The following PHF21A variants were observed in gnomAD, a reference collection of about 807,000 sequenced individuals.
PHF21A encodes BHC80a.
In PHF21A, 11 loss-of-function variants were observed where a neutral mutation model predicts 82.5. The observed-to-expected ratio is 0.13, with a 90% CI of 0.08 to 0.22. PHF21A has a LOEUF of 0.22. PHF21A is among the 10% of genes least tolerant of loss of function. PHF21A has a pLI of 1.00. For missense variants in PHF21A, 579 were observed against 837.8 expected (o/e 0.69, Z 3.81); for synonymous variants, 297 against 302.8 (o/e 0.98, Z 0.20).
At chr11:46,087,824 C>T (rs899266937) in intron 3 of PHF21A, among the ~76,000 whole-genome samples, 3 of 152,162 alleles carry the variant, frequency 2.0e-5, no homozygotes, top group African/African-American at 7.2e-5. Flanking sequence ...GGTGCGATCA[C>T]GGCTCACTGC....
intron 6 of PHF21A, among the ~76,000 whole-genome samples, chr11:46,007,630 G>T (rs181218749): frequency 6.6e-6 from 1 of 152,104 alleles, no homozygotes; most frequent in Non-Finnish European, 1.5e-5. Flanking sequence ...TATCTTTTAT[G>T]ATAGTTTTAC....
chr11:46,093,531 A>G (rs1212116053), intron 1 of PHF21A, among the ~76,000 whole-genome samples: 7 of 152,220 alleles, frequency 4.6e-5, no homozygotes, highest in Admixed American at 4.6e-4. Flanking sequence ...GCCCATGCAA[A>G]TAACAATTTT....
intron 6 of PHF21A, among the ~76,000 whole-genome samples, chr11:46,062,638 T>A (rs1175116811): frequency 6.6e-6 from 1 of 152,164 alleles, no homozygotes; most frequent in Non-Finnish European, 1.5e-5. Context: ...CCCTTAAATA[T>A]CTAGTGATTC....
intron 1 of PHF21A, among the ~76,000 whole-genome samples, chr11:46,106,906 C>T (rs2097158526): frequency 6.6e-6 from 1 of 152,182 alleles, no homozygotes; most frequent in Admixed American, 6.5e-5. Context: ...TACTTTGAAT[C>T]CTTCAGCCTT....
chr11:45,989,165 C>A (rs973379523), intron 6 of PHF21A, among the ~76,000 whole-genome samples: 8 of 152,152 alleles, frequency 5.3e-5, no homozygotes, highest in African/African-American at 1.9e-4. Flanking sequence ...ATAATTTGCA[C>A]TTCTCTGTAT....
chr11:46,035,192 T>C (rs1242793735), intron 6 of PHF21A, among the ~76,000 whole-genome samples: 2 of 152,366 alleles, frequency 1.3e-5, no homozygotes, highest in East Asian at 3.9e-4. Flanking sequence ...AAGACAGTCC[T>C]GACTAGGAGC....
At chr11:46,067,910 T>G (rs756837246) in intron 6 of PHF21A, among the ~76,000 whole-genome samples, 1 of 152,080 alleles carries the variant, frequency 6.6e-6, no homozygotes, top group Non-Finnish European at 1.5e-5. Flanking sequence ...AAGAGGAGTG[T>G]CTAACTCTGC....
chr11:46,013,501 G>A (rs2095452188), intron 6 of PHF21A, among the ~76,000 whole-genome samples: 1 of 152,164 alleles, frequency 6.6e-6, no homozygotes, highest in Non-Finnish European at 1.5e-5. Flanking sequence ...CCACAGAAAT[G>A]GAAACTGCAG....
At chr11:46,039,982 T>G (rs1055286288) in intron 6 of PHF21A, among the ~76,000 whole-genome samples, 3 of 152,198 alleles carry the variant, frequency 2.0e-5, no homozygotes, top group Non-Finnish European at 4.4e-5. Context: ...ACAAACAGCA[T>G]TTTTTGGGAA....
At chr11:46,070,904 G>A (rs1373590058) in intron 6 of PHF21A, among the ~76,000 whole-genome samples, 1 of 152,156 alleles carries the variant, frequency 6.6e-6, no homozygotes, top group Non-Finnish European at 1.5e-5. Context: ...TTTCCCCTGT[G>A]ACAGGGTATC....
intron 6 of PHF21A, among the ~76,000 whole-genome samples, chr11:45,992,625 C>T (rs1229270487): frequency 6.6e-6 from 1 of 152,084 alleles, no homozygotes; most frequent in Non-Finnish European, 1.5e-5. Flanking sequence ...GGCCTTCTGA[C>T]TAATCAAAAT....
chr11:45,998,398 C>T (rs1007646864), intron 6 of PHF21A, among the ~76,000 whole-genome samples: 2 of 152,070 alleles, frequency 1.3e-5, no homozygotes, highest in African/African-American at 4.8e-5. Context: ...AATATGCCTA[C>T]TGAGTATATA....
intron 14 of PHF21A, among the ~76,000 whole-genome samples, chr11:45,947,775 CACAAA>C (rs1161047533): frequency 2.6e-5 from 4 of 151,924 alleles, no homozygotes; most frequent in Non-Finnish European, 5.9e-5. Flanking sequence ...AATCACCAAG[CACAAA>C]ACAAAACAAA....
intron 1 of PHF21A, among the ~76,000 whole-genome samples, chr11:46,100,351 ATT>A (rs2097077506): frequency 6.6e-6 from 1 of 152,034 alleles, no homozygotes; most frequent in Non-Finnish European, 1.5e-5. Flanking sequence ...TAGGCACCCT[ATT>A]TTACTTCCAC....
chr11:46,016,026 C>T (rs1010084842), intron 6 of PHF21A, among the ~76,000 whole-genome samples: 7 of 152,058 alleles, frequency 4.6e-5, no homozygotes, highest in African/African-American at 1.7e-4. Context: ...ATGTACTGTA[C>T]ATAATTGTAT....
chr11:46,044,682 G>C (rs1034411235), intron 6 of PHF21A, among the ~76,000 whole-genome samples: 21 of 152,124 alleles, frequency 1.4e-4, no homozygotes, highest in Non-Finnish European at 2.6e-4. Flanking sequence ...TAAGCAAACA[G>C]GCCACAATTT....
rs576087165 is a variant in PHF21A, at chr11:46,111,114, T to TG, written c.-237+9820dup. On this transcript the variant is annotated intron_variant, in intron 1 of 18. Transcript: ENST00000676320. ...TAACAAATTTTAAATCACAACTATG[T>TG]GGGGGGGGAGGCTAGTATTATTACA... Among the ~76,000 whole-genome samples, 88 of 146,132 alleles carry TG rather than the reference T, an allele frequency of 6.0e-4. 1 individual carries two copies. The highest frequency in any genetic ancestry group is 7.9e-4 in the Non-Finnish European group (52 of 66,088).
At chr11:45,957,315 C>T (rs1437698318) in intron 10 of PHF21A, among the ~76,000 whole-genome samples, 1 of 152,100 alleles carries the variant, frequency 6.6e-6, no homozygotes, top group Admixed American at 6.5e-5. Flanking sequence ...TACTCCACTC[C>T]ACAAGAGCAG....
intron 6 of PHF21A, among the ~76,000 whole-genome samples, chr11:46,020,849 G>A (rs1002970746): frequency 1.3e-5 from 2 of 152,166 alleles, no homozygotes; most frequent in African/African-American, 2.4e-5. Flanking sequence ...GTACCAAAGC[G>A]ATATGCATTC....
Sources: allele counts gnomAD v4.1 joint callset (sites outside exome capture counted in the v4.1 genomes callset), GRCh38; gene constraint gnomAD v4.1.1; transcripts MANE v1.5; gene names NCBI Gene and HGNC (gene_info 2026-07-23, HGNC 2026-07-21).